The following STK32B variants were observed in gnomAD, a reference collection of about 807,000 sequenced individuals.
STK32B encodes serine/threonine-protein kinase 32B.
STK32B carries 43 observed loss-of-function variants against 52.6 expected under a neutral mutation model. The observed-to-expected ratio is 0.82, with a 90% CI of 0.64 to 1.05. The LOEUF is 1.05. Ranked by LOEUF, STK32B falls within the 50% of genes least tolerant of loss-of-function variation. The pLI is 0.00. For synonymous variants in STK32B, 238 were observed against 204.3 expected (o/e 1.17, Z -1.41); for missense variants, 621 against 534.6 (o/e 1.16, Z -1.59).
intron 5 of STK32B, among the ~76,000 whole-genome samples, chr4:5,401,135 T>C (rs1462045934): frequency 3.3e-5 from 5 of 152,210 alleles, no homozygotes; most frequent in South Asian, 4.2e-4. Flanking sequence ...ATTTTGTAGG[T>C]TTATAACATT....
intron 11 of STK32B, among the ~76,000 whole-genome samples, chr4:5,481,435 T>G (rs1413756353): frequency 1.3e-5 from 2 of 151,908 alleles, no homozygotes; most frequent in East Asian, 1.9e-4. Context: ...GGGTTGTTTG[T>G]TTTTTTTCTT....
chr4:5,438,848 C>T (rs532732208), intron 6 of STK32B, among the ~76,000 whole-genome samples: 43 of 152,008 alleles, frequency 2.8e-4, no homozygotes, highest in East Asian at 3.9e-4. Context: ...TGACAATATG[C>T]GGTGTTTGGT....
At chr4:5,344,631 A>G (rs765926088) in intron 4 of STK32B, among the ~76,000 whole-genome samples, 1 of 152,068 alleles carries the variant, frequency 6.6e-6, no homozygotes, top group Admixed American at 6.6e-5. Flanking sequence ...GAAGTGAATT[A>G]TGAACCTTAT....
At chr4:5,054,609 C>A (rs565927748) in intron 1 of STK32B, among the ~76,000 whole-genome samples, 70 of 152,232 alleles carry the variant, frequency 4.6e-4, no homozygotes, top group African/African-American at 1.6e-3. Flanking sequence ...CCTTAAAGGG[C>A]CCAGTGGCCG....
chr4:5,250,448 G>A (rs1264911470), intron 3 of STK32B, among the ~76,000 whole-genome samples: 1 of 151,768 alleles, frequency 6.6e-6, no homozygotes, highest in Non-Finnish European at 1.5e-5. Context: ...GAGTAGCTGG[G>A]ATTACATGCA....
the STK32B span, among the ~76,000 whole-genome samples, chr4:5,028,623 C>G: frequency 3.3e-5 from 5 of 152,264 alleles, no homozygotes; most frequent in Middle Eastern, 3.4e-3. Context: ...TTATGAAAAG[C>G]AATTCATGTG....
intron 4 of STK32B, among the ~76,000 whole-genome samples, chr4:5,352,424 A>T (rs562442615): frequency 3.0e-4 from 46 of 152,158 alleles, no homozygotes; most frequent in South Asian, 6.2e-4. Flanking sequence ...TCAATAGACT[A>T]GGCATAGAAG....
chr4:5,424,594 T>A (rs536011704), intron 6 of STK32B, among the ~76,000 whole-genome samples: 2 of 152,188 alleles, frequency 1.3e-5, no homozygotes, highest in African/African-American at 4.8e-5. Flanking sequence ...AACAGACATC[T>A]GCACAATCTG....
intron 7 of STK32B, among the ~76,000 whole-genome samples, chr4:5,450,521 CCT>C (rs2109129928): frequency 6.6e-6 from 1 of 152,262 alleles, no homozygotes; most frequent in East Asian, 1.9e-4. Context: ...ATTATTTTCC[CCT>C]TACTCAGTCG....
intron 2 of STK32B, among the ~76,000 whole-genome samples, chr4:5,156,610 C>T (rs1438759304): frequency 6.6e-5 from 10 of 152,134 alleles, no homozygotes. Flanking sequence ...GAGGAGGATA[C>T]CTTTGGGAGG....
chr4:5,193,814 C>T (rs150863918), intron 3 of STK32B, among the ~76,000 whole-genome samples: 9 of 152,290 alleles, frequency 5.9e-5, no homozygotes, highest in African/African-American at 1.2e-4. Flanking sequence ...AGTGCGTTTG[C>T]GGGATGGTGG....
chr4:5,330,242 G>A (rs1263087865), intron 3 of STK32B, among the ~76,000 whole-genome samples: 1 of 152,168 alleles, frequency 6.6e-6, no homozygotes, highest in African/African-American at 2.4e-5. Flanking sequence ...ATGCAATTCT[G>A]TGATTAATAT....
Position 5,337,710 on chromosome 4 carries a change from G to GA in STK32B, c.434+6328dup, listed in dbSNP as rs879845274. Among the ~76,000 whole-genome samples, 632 of 144,524 alleles carry GA rather than the reference G, an allele frequency of 4.4e-3. 1 individual carries two copies. The highest frequency in any genetic ancestry group is 5.7e-3 in the African/African-American group (228 of 39,708). 94.8% of individuals were successfully genotyped at this position (144,524 alleles called of 152,430 possible). A position where few individuals can be genotyped will look rare whatever the true frequency, so the allele number is the denominator to read the frequency against. ...TGAAGTTGAGTTACGAGAGGTTCAG[G>GA]AAAAAAAAAAACTCAGTAAAAATAA... On this transcript the variant is annotated intron_variant, in intron 4 of 11. Transcript: ENST00000282908.
At chr4:5,271,206 G>A (rs1336136369) in intron 3 of STK32B, among the ~76,000 whole-genome samples, 3 of 152,176 alleles carry the variant, frequency 2.0e-5, no homozygotes, top group Non-Finnish European at 4.4e-5. Context: ...AAAGTGCTGG[G>A]ATTAACAGGT....
At chr4:5,490,783 C>T (rs1009269873) in intron 11 of STK32B, among the ~76,000 whole-genome samples, 1 of 151,946 alleles carries the variant, frequency 6.6e-6, no homozygotes, top group African/African-American at 2.4e-5. Flanking sequence ...TCCATGTGTT[C>T]TCATTGTTCA....
chr4:5,317,279 C>CATATAACATATATATAATATATAAT (rs1309281949), intron 3 of STK32B, among the ~76,000 whole-genome samples: 1 of 16,446 alleles, frequency 6.1e-5, no homozygotes, highest in African/African-American at 6.3e-4. Flanking sequence ...TAATATATAA[C>CATATAACATATATATAATATATAAT]ATATAACATA....
chr4:5,089,146 A>T (rs1175198314), intron 1 of STK32B, among the ~76,000 whole-genome samples: 2 of 152,172 alleles, frequency 1.3e-5, no homozygotes, highest in Non-Finnish European at 2.9e-5. Flanking sequence ...AAGGATTGTA[A>T]GAGAATATTA....
chr4:5,417,635 T>C (rs114600488), intron 6 of STK32B, among the ~76,000 whole-genome samples: 2,833 of 152,318 alleles, frequency 0.019, 92 homozygotes, highest in African/African-American at 0.063. Flanking sequence ...CCACCTGATT[T>C]CTGAGTTTTT....
intron 2 of STK32B, among the ~76,000 whole-genome samples, chr4:5,160,043 T>C (rs1222084904): frequency 6.6e-6 from 1 of 152,044 alleles, no homozygotes; most frequent in Non-Finnish European, 1.5e-5. Context: ...CAATCCTGTC[T>C]TCAAAGTCTA....
Sources: allele counts gnomAD v4.1 joint callset (sites outside exome capture counted in the v4.1 genomes callset), GRCh38; gene constraint gnomAD v4.1.1; transcripts MANE v1.5; gene names NCBI Gene and HGNC (gene_info 2026-07-23, HGNC 2026-07-21).